The following SHB variants were observed in gnomAD, a reference collection of about 807,000 sequenced individuals.
SHB encodes the protein SH2 domain-containing adapter protein B.
A neutral mutation model predicts 52.3 loss-of-function variants in SHB; 20 were observed. That is an observed-to-expected ratio of 0.38 (90% CI 0.27 to 0.56). The LOEUF (loss-of-function observed/expected upper bound fraction) is 0.56. Ranked by LOEUF, SHB falls within the 20% of genes least tolerant of loss-of-function variation. The pLI is 0.71. For synonymous variants in SHB, 397 were observed against 316.5 expected (o/e 1.25, Z -2.70); for missense variants, 825 against 723.3 (o/e 1.14, Z -1.61).
rs1160169321 is a variant in SHB at position 38,016,246 on chromosome 9, G to A, written c.718-115C>T. 87 of 1,178,298 alleles carry A rather than the reference G, an allele frequency of 7.4e-5. 2 individuals are homozygous for A. The highest frequency in any genetic ancestry group is 6.7e-4 in the South Asian group (46 of 68,248). 73.0% of individuals were successfully genotyped at this position (1,178,298 alleles called of 1,614,324 possible). A position where few individuals can be genotyped will look rare whatever the true frequency, so the allele number is the denominator to read the frequency against. ...GAGCAAGGAGAGGCAGGGGAGGCAG[G>A]AACTAAAGCCGGCGCCCGGACTCAG... On this transcript the variant is annotated intron_variant, in intron 1 of 5. Coordinates refer to ENST00000377707, the MANE Select transcript of SHB (RefSeq NM_003028.3).
In SHB at chr9:38,068,270, G is replaced by A. The variant is rs758128365; in HGVS notation, c.376C>T (p.Arg126Cys). ...GACGCGGACGAGGCCGAGAAGGCGC[G>A]CTGGACCCCGCCTGGCTCCCCGCTG... is the stretch of plus-strand genomic sequence containing the variant. ...GGSGEPGGVQ[R>C]AFSASSASGA... The change falls in exon 1 of 6, where the codon CGC (arginine) becomes TGC (cysteine). Residue 126 changes from arginine to cysteine, a missense_variant. Coordinates refer to ENST00000377707, the MANE Select transcript of SHB (RefSeq NM_003028.3). 3.4e-5 allele frequency: 50 copies of A among 1,462,870 alleles called. 1 individual carries two copies. The South Asian group carries it at 5.9e-4, about 17-fold the overall frequency. The allele number at this position is 1,462,870 out of a possible 1,614,324, so 90.6% of individuals were successfully genotyped here. A position where few individuals can be genotyped will look rare whatever the true frequency, so the allele number is the denominator to read the frequency against.
intron 5 of SHB, among the ~76,000 whole-genome samples, chr9:37,947,442 C>T (rs761040356): frequency 3.3e-5 from 5 of 152,246 alleles, no homozygotes; most frequent in Non-Finnish European, 7.3e-5. Context: ...CCTGTCTGTA[C>T]ATCAGCTCCC....
intron 1 of SHB, among the ~76,000 whole-genome samples, chr9:38,063,221 G>C (rs987258284): frequency 2.0e-5 from 3 of 152,358 alleles, no homozygotes; most frequent in Non-Finnish European, 4.4e-5. Flanking sequence ...TTAAGAACTG[G>C]AGAGTGTGGC....
intron 1 of SHB, among the ~76,000 whole-genome samples, chr9:38,030,229 G>C (rs952964429): frequency 1.3e-5 from 2 of 152,200 alleles, no homozygotes; most frequent in Admixed American, 6.5e-5. Context: ...GCCTGGGGCA[G>C]GGGACCCCAG....
At chr9:37,934,780 A>G (rs188459397) in intron 5 of SHB, among the ~76,000 whole-genome samples, 1 of 152,150 alleles carries the variant, frequency 6.6e-6, no homozygotes, top group African/African-American at 2.4e-5. Context: ...CAGGGTGGAG[A>G]ATTTTCTCAA....
At chr9:37,933,212 T>C (rs531947437) in intron 5 of SHB, among the ~76,000 whole-genome samples, 1 of 152,322 alleles carries the variant, frequency 6.6e-6, no homozygotes, top group South Asian at 2.1e-4. Flanking sequence ...CAATAGTTCT[T>C]GGGAATCTAG....
chr9:38,042,027 G>A (rs927776128), intron 1 of SHB, among the ~76,000 whole-genome samples: 2 of 152,178 alleles, frequency 1.3e-5, no homozygotes, highest in Non-Finnish European at 2.9e-5. Context: ...TATAAAGCAC[G>A]CTAGGAGCAC....
intron 5 of SHB, among the ~76,000 whole-genome samples, chr9:37,922,681 T>C (rs572992005): frequency 1.3e-5 from 2 of 152,250 alleles, no homozygotes; most frequent in South Asian, 4.1e-4. Context: ...CATGAACCTC[T>C]AGTCTGTGGC....
intron 4 of SHB, among the ~76,000 whole-genome samples, chr9:37,952,216 T>C (rs920473945): frequency 2.0e-5 from 3 of 152,168 alleles, no homozygotes; most frequent in Admixed American, 6.5e-5. Flanking sequence ...GGGGTTATGA[T>C]AAGGCAGTGA....
intron 5 of SHB, among the ~76,000 whole-genome samples, chr9:37,937,730 A>G (rs1832390127): frequency 1.3e-5 from 2 of 152,258 alleles, no homozygotes; most frequent in Admixed American, 6.5e-5. Flanking sequence ...GATTTTATAA[A>G]TCTGCCTCAA....
At chr9:38,024,818 G>C (rs1454507017) in intron 1 of SHB, among the ~76,000 whole-genome samples, 2 of 152,186 alleles carry the variant, frequency 1.3e-5, no homozygotes, top group Admixed American at 1.3e-4. Flanking sequence ...AACACCCGGG[G>C]AGGGGTCTGC....
At chr9:37,953,665 C>T (rs574502619) in intron 4 of SHB, among the ~76,000 whole-genome samples, 47 of 152,288 alleles carry the variant, frequency 3.1e-4, no homozygotes, top group African/African-American at 1.0e-3. Context: ...CACCCCAGTG[C>T]CTCGGTCTCC....
Position 37,919,756 on chromosome 9 carries a change from G to T in SHB, c.*65C>A. The stretch of plus-strand genomic sequence containing the variant: ...GCCAGCAACAGTGGCTGGGCTGGTT[G>T]GTGGGGGGCCTCTGGCACCTCCAAG... On this transcript the variant is annotated 3_prime_UTR_variant, in exon 6 of 6. Coordinates refer to ENST00000377707, the MANE Select transcript of SHB (RefSeq NM_003028.3). The T allele has an allele frequency of 7.6e-7, 1 of 1,323,650 alleles. No homozygotes were observed. The highest frequency in any genetic ancestry group is 1.1e-6 in the Non-Finnish European group (1 of 927,464). The allele number at this position is 1,323,650 out of a possible 1,614,324, so 82.0% of individuals were successfully genotyped here. A position where few individuals can be genotyped will look rare whatever the true frequency, so the allele number is the denominator to read the frequency against.
chr9:38,007,683 C>T, intron 2 of SHB, among the ~76,000 whole-genome samples: 1 of 152,244 alleles, frequency 6.6e-6, no homozygotes, highest in Admixed American at 6.5e-5. Flanking sequence ...TACTTTGTAC[C>T]AGGTACTTCA....
At chr9:37,940,507 A>G (rs1430352838) in intron 5 of SHB, among the ~76,000 whole-genome samples, 1 of 152,182 alleles carries the variant, frequency 6.6e-6, no homozygotes, top group Non-Finnish European at 1.5e-5. Flanking sequence ...ACGCTAATTG[A>G]GCAGAAAGTT....
chr9:37,930,606 G>A (rs1467489367), intron 5 of SHB, among the ~76,000 whole-genome samples: 1 of 152,164 alleles, frequency 6.6e-6, no homozygotes, highest in Non-Finnish European at 1.5e-5. Context: ...GTGTTCACCA[G>A]CACAGCAATG....
chr9:37,972,683 A>C (rs1317115875), intron 3 of SHB, among the ~76,000 whole-genome samples: 3 of 152,156 alleles, frequency 2.0e-5, no homozygotes, highest in Non-Finnish European at 2.9e-5. Flanking sequence ...GGAGGCATAG[A>C]ATTGTTCCAG....
At chr9:38,054,491 A>G (rs1228875998) in intron 1 of SHB, among the ~76,000 whole-genome samples, 1 of 152,194 alleles carries the variant, frequency 6.6e-6, no homozygotes, top group Non-Finnish European at 1.5e-5. Context: ...CCCACCGGGA[A>G]CCTGCTCTAG....
chr9:38,032,740 A>T (rs1023951642), intron 1 of SHB, among the ~76,000 whole-genome samples: 1 of 152,156 alleles, frequency 6.6e-6, no homozygotes, highest in African/African-American at 2.4e-5. Flanking sequence ...CACATACCAA[A>T]GCCAGTGCAG....
Sources: gnomAD v4.1 joint callset for allele counts (sites outside exome capture counted in the v4.1 genomes callset) on GRCh38, gnomAD v4.1.1 for gene constraint, MANE v1.5 for transcripts, NCBI Gene and HGNC (gene_info 2026-07-23, HGNC 2026-07-21) for gene names.